Variants in PRMT8 observed in about 807,000 individuals in gnomAD.
PRMT8 encodes protein arginine N-methyltransferase 8.
In PRMT8, 7 loss-of-function variants were observed where a neutral mutation model predicts 47.1. That is an observed-to-expected ratio of 0.15 (90% CI 0.08 to 0.28). The LOEUF is 0.28. Among genes scored for constraint, PRMT8 ranks in the 10% least tolerant of loss-of-function variants. The pLI, the probability that PRMT8 is intolerant of heterozygous loss-of-function variation, is 1.00. For missense variants in PRMT8, 237 were observed against 505.4 expected, an observed-to-expected ratio of 0.47 and a Z score of 5.09; for synonymous variants, 188 against 186.5, an observed-to-expected ratio of 1.01 and a Z score of -0.07.
Position 3,564,205 on chromosome 12 carries a change from G to T in PRMT8, c.482-4501G>T, listed in dbSNP as rs910363121. 2.0e-5 allele frequency among the ~76,000 whole-genome samples: 3 copies of T among 152,058 alleles called. No individual in the cohort carries two copies. Among genetic ancestry groups the T allele is most frequent in the African/African-American group, 4.8e-5 (2 of 41,404 alleles). Reference sequence around the variant, plus strand: ...TTTGCTGCAGTGGGGTTGGCAGGGGGGTCAGGGGGCTTCATAGGCTCATAA... The same window carrying T: ...TTTGCTGCAGTGGGGTTGGCAGGGGTGTCAGGGGGCTTCATAGGCTCATAA... On this transcript the variant is annotated intron_variant, in intron 4 of 9. Transcript: ENST00000382622. This position sits in a 1 kb window ranked among gnomAD's most constrained non-coding sequence, Gnocchi z 4.0.
chr12:3,570,746 A>C lies in PRMT8; in HGVS notation c.712+1182A>C, dbSNP rs990942270. ...CTGGAAATATAAACTCAAAGTGTGAAGTTCAGAGCCAGGTTCAGAAGAAGA... is the reference window on the plus strand; with the variant it reads ...CTGGAAATATAAACTCAAAGTGTGACGTTCAGAGCCAGGTTCAGAAGAAGA... On this transcript the variant is annotated intron_variant, in intron 6 of 9. Coordinates refer to ENST00000382622, the MANE Select transcript of PRMT8 (RefSeq NM_019854.5). This position sits in a 1 kb window ranked among gnomAD's most constrained non-coding sequence, Gnocchi z 5.5. Among the ~76,000 whole-genome samples the C allele has an allele frequency of 1.3e-5, 2 of 152,202 alleles. No homozygotes were observed. The highest frequency in any genetic ancestry group is 2.9e-5 in the Non-Finnish European group (2 of 68,038).
Position 3,491,452 on chromosome 12 carries a change from A to G in PRMT8, c.-174A>G. The stretch of plus-strand genomic sequence containing the variant: ...ATGAGAAGGGAGGAAAATAAAAGAA[A>G]GTGGAGACTGCAGAACAGACTCCGC... On this transcript the variant is annotated 5_prime_UTR_variant, in exon 1 of 10. Coordinates refer to ENST00000382622, the MANE Select transcript of PRMT8 (RefSeq NM_019854.5). 7.2e-7 allele frequency: 1 copy of G among 1,397,160 alleles called. No individual in the cohort carries two copies. Among genetic ancestry groups the G allele is most frequent in the East Asian group, 2.6e-5 (1 of 39,056 alleles). 86.5% of individuals were successfully genotyped at this position (1,397,160 alleles called of 1,614,324 possible).
At chr12:3,496,212 A>ATTTTTTTTTTTTTT (rs1444249290) in intron 1 of PRMT8, among the ~76,000 whole-genome samples, 15 of 19,396 alleles carry the variant, frequency 7.7e-4, no homozygotes, top group East Asian at 3.0e-3. Flanking sequence ...ATATATATAT[A>ATTTTTTTTTTTTTT]TATTTTTTTT....
intron 1 of PRMT8, among the ~76,000 whole-genome samples, chr12:3,439,712 A>T (rs1864778928): frequency 6.6e-6 from 1 of 152,170 alleles, no homozygotes; most frequent in Non-Finnish European, 1.5e-5. Context: ...TTCACATGAG[A>T]AACAAAGGTG....
Position 3,491,493 on chromosome 12 carries a change from C to G in PRMT8, c.-133C>G, listed in dbSNP as rs74057464. ...CAGACTCCGCTGTGGCTGACTGTGC[C>G]GGCCGACGCTCCAGCTGAGGGGCTG... On this transcript the variant is annotated 5_prime_UTR_variant, in exon 1 of 10. Transcript: ENST00000382622. The G allele has an allele frequency of 9.7e-6, 14 of 1,442,766 alleles. No individual in the cohort carries two copies. The highest frequency in any genetic ancestry group is 2.9e-5 in the African/African-American group (2 of 69,772). 89.4% of individuals were successfully genotyped at this position (1,442,766 alleles called of 1,614,324 possible). A position where few individuals can be genotyped will look rare whatever the true frequency, so the allele number is the denominator to read the frequency against.
chr12:3,395,854 C>T (rs1187965604), intron 1 of PRMT8, among the ~76,000 whole-genome samples: 2,036 of 150,942 alleles, frequency 0.013, 30 homozygotes, highest in Middle Eastern at 0.045. Flanking sequence ...TCTAAGTCTC[C>T]TTGTAGGTCA....
chr12:3,510,984 G>A (rs1262747973), intron 1 of PRMT8, among the ~76,000 whole-genome samples: 3 of 152,216 alleles, frequency 2.0e-5, no homozygotes, highest in Non-Finnish European at 4.4e-5. Context: ...TGACCCTGCT[G>A]CAGAGAGTTA....
chr12:3,576,929 G>A lies in PRMT8; in HGVS notation c.771G>A (p.Glu257=). The change falls in exon 7 of 10, where the codon GAG becomes GAA. Residue 257 remains glutamate (E), a synonymous_variant. Transcript: ENST00000382622. The surrounding 1 kb of genome is among the most constrained non-coding windows in gnomAD (Gnocchi z 4.0). ...GCATCCGGGACGTGGCCATGAAGGA[G>A]CCTCTAGTGGACATCGTGGATCCAA... ...MTCIRDVAMK[E]PLVDIVDPKQ... The A allele has an allele frequency of 1.9e-6, 3 of 1,614,176 alleles. No homozygotes were observed. Among genetic ancestry groups the A allele is most frequent in the Non-Finnish European group, 1.7e-6 (2 of 1,180,030 alleles).
At chr12:3,485,900 A>T (rs930632966) in intron 1 of PRMT8, among the ~76,000 whole-genome samples, 1 of 152,204 alleles carries the variant, frequency 6.6e-6, no homozygotes, top group African/African-American at 2.4e-5. Context: ...GAAGAAAGGG[A>T]TCAGAATGGT....
rs1323565969 is a variant in PRMT8, at chr12:3,493,233, C to T, written c.75+1533C>T. 1.3e-5 allele frequency among the ~76,000 whole-genome samples: 2 copies of T among 152,214 alleles called. No homozygotes were observed. Among genetic ancestry groups the T allele is most frequent in the Non-Finnish European group, 2.9e-5 (2 of 68,032 alleles). ...ACCACTTCCTCTTCCCCAGCCCCCA[C>T]CTGAGAGCAGACATTCGGAATGATG... On this transcript the variant is annotated intron_variant, in intron 1 of 9. Transcript: ENST00000382622. The surrounding 1 kb of genome is among the most constrained non-coding windows in gnomAD (Gnocchi z 8.2).
intron 1 of PRMT8, among the ~76,000 whole-genome samples, chr12:3,429,105 AG>A (rs1447519275): frequency 6.6e-6 from 1 of 151,668 alleles, no homozygotes; most frequent in African/African-American, 2.4e-5. Flanking sequence ...TGCCTCTGTC[AG>A]CTGCTTATGC....
At chr12:3,466,035 A>G (rs537489917) in intron 1 of PRMT8, among the ~76,000 whole-genome samples, 1 of 152,272 alleles carries the variant, frequency 6.6e-6, no homozygotes, top group East Asian at 1.9e-4. Context: ...CTGACGCAGA[A>G]AACTGTAACA....
chr12:3,496,216 T>TA lies in PRMT8; in HGVS notation c.75+4516_75+4517insA, dbSNP rs34970187. On this transcript the variant is annotated intron_variant, in intron 1 of 9. Coordinates refer to ENST00000382622, the MANE Select transcript of PRMT8 (RefSeq NM_019854.5). ...TGGAAACTGATATATATATATATAT[T>TA]TTTTTTTTTTTTTTTTTTTTTTTTG... Among the ~76,000 whole-genome samples, 31 of 19,992 alleles carry TA rather than the reference T, an allele frequency of 1.6e-3. 1 individual carries two copies. In the South Asian group the frequency reaches 0.022, roughly 14 times the overall value. 13.1% of individuals were successfully genotyped at this position (19,992 alleles called of 152,430 possible).
Position 3,583,265 on chromosome 12 carries a change from T to C in PRMT8, c.979+57T>C, listed in dbSNP as rs1867107173. 1.9e-6 allele frequency: 3 copies of C among 1,538,768 alleles called. No individual in the cohort carries two copies. In the South Asian group the frequency reaches 3.7e-5, roughly 19 times the overall value. On this transcript the variant is annotated intron_variant, in intron 8 of 9. Coordinates refer to ENST00000382622, the MANE Select transcript of PRMT8 (RefSeq NM_019854.5). The surrounding 1 kb of genome is among the most constrained non-coding windows in gnomAD (Gnocchi z 4.7). ...CCCTCTCCCATGCTTCCTCAAGTCT[T>C]TGTGGGGTGACCAGAGCTGGCCTTG...
At chr12:3,534,583 C>T (rs1028175433) in intron 1 of PRMT8, among the ~76,000 whole-genome samples, 2 of 152,214 alleles carry the variant, frequency 1.3e-5, no homozygotes, top group Non-Finnish European at 2.9e-5. Flanking sequence ...TCCATCTGCA[C>T]CCTGACACCT....
chr12:3,413,713 C>G (rs780752612), intron 1 of PRMT8, among the ~76,000 whole-genome samples: 1 of 151,836 alleles, frequency 6.6e-6, no homozygotes, highest in Non-Finnish European at 1.5e-5. Flanking sequence ...ATTCCATATG[C>G]GGTGTGTCGT....
At chr12:3,522,480 A>G (rs1241752220) in intron 1 of PRMT8, among the ~76,000 whole-genome samples, 1 of 152,118 alleles carries the variant, frequency 6.6e-6, no homozygotes, top group African/African-American at 2.4e-5. Flanking sequence ...CCTGGCCAAG[A>G]TGGTGAAAAC....
At chr12:3,412,486 A>G (rs1864441051) in intron 1 of PRMT8, among the ~76,000 whole-genome samples, 1 of 152,246 alleles carries the variant, frequency 6.6e-6, no homozygotes, top group East Asian at 1.9e-4. Context: ...ATACTTTACA[A>G]ACTTTAAATT....
intron 8 of PRMT8, among the ~76,000 whole-genome samples, chr12:3,585,821 G>A (rs1190832784): frequency 6.6e-6 from 1 of 152,122 alleles, no homozygotes; most frequent in East Asian, 1.9e-4. Flanking sequence ...GAGGGGGAAG[G>A]TGGATTTTAC....
Sources: gnomAD v4.1 joint callset for allele counts (sites outside exome capture counted in the v4.1 genomes callset) on GRCh38, gnomAD v4.1.1 for gene constraint, Gnocchi (gnomAD v3.1) non-coding constraint, MANE v1.5 for transcripts, NCBI Gene and HGNC (gene_info 2026-07-23, HGNC 2026-07-21) for gene names.